The following COL4A2 variants were observed in gnomAD, a reference collection of about 807,000 sequenced individuals.
COL4A2 encodes the protein collagen type IV alpha 2 chain, also known as collagen alpha-2(IV) chain.
In COL4A2, 99 loss-of-function variants were observed where a neutral mutation model predicts 200.2. The observed-to-expected ratio is 0.49, with a 90% CI of 0.42 to 0.58. The LOEUF (loss-of-function observed/expected upper bound fraction) is 0.58. Ranked by LOEUF, COL4A2 falls within the 20% of genes least tolerant of loss-of-function variation. The pLI is 0.00. For missense variants in COL4A2, 1,950 were observed against 2,314.1 expected, an observed-to-expected ratio of 0.84 and a Z score of 3.23; for synonymous variants, 897 against 900.6, an observed-to-expected ratio of 1.00 and a Z score of 0.07.
rs1259075777 is a variant in COL4A2 at position 110,449,703 on chromosome 13, C to G, written c.1103C>G (p.Pro368Arg). Residue 368 changes from proline to arginine, a missense_variant, in exon 19 of 48, where the codon CCA becomes CGA. Pro to Arg is a moderately radical substitution (Grantham distance 103). Coordinates refer to ENST00000360467, the MANE Select transcript of COL4A2 (RefSeq NM_001846.4). ...AKGARGDPGF[P>R]GAQGEPGSQG... The stretch of plus-strand genomic sequence containing the variant: ...GGTGCCAGAGGTGACCCGGGATTCC[C>G]AGGGGCCCAAGGGGAGCCAGGAAGC... 2 of 1,549,052 alleles carry G rather than the reference C, an allele frequency of 1.3e-6. No individual in the cohort carries two copies. Among genetic ancestry groups the G allele is most frequent in the African/African-American group, 2.7e-5 (2 of 72,908 alleles).
chr13:110,355,916 A>T (rs1236757629), intron 3 of COL4A2, among the ~76,000 whole-genome samples: 2 of 151,544 alleles, frequency 1.3e-5, no homozygotes, highest in African/African-American at 2.4e-5. Context: ...GGCGGAGGGC[A>T]GCACTGGCTC....
intron 6 of COL4A2, among the ~76,000 whole-genome samples, chr13:110,425,862 C>T (rs573896425): frequency 1.1e-4 from 17 of 152,328 alleles, no homozygotes; most frequent in African/African-American, 4.1e-4. Context: ...CCAGAGAACT[C>T]ATGCGTTTCC....
Position 110,348,171 on chromosome 13 carries a change from A to G in COL4A2, c.100-9301A>G, listed in dbSNP as rs559937281. On this transcript the variant is annotated intron_variant, in intron 3 of 47. Coordinates refer to ENST00000360467, the MANE Select transcript of COL4A2 (RefSeq NM_001846.4). ...TGAGGACAGGCATCGACGCAGTCAT[A>G]ACTGCTGGCACTCACTGGCATTCCA... Among the ~76,000 whole-genome samples, 4 of 152,350 alleles carry G rather than the reference A, an allele frequency of 2.6e-5. No individual in the cohort carries two copies. In the East Asian group the frequency reaches 7.7e-4, roughly 29 times the overall value.
chr13:110,350,718 G>A (rs1876920073), intron 3 of COL4A2, among the ~76,000 whole-genome samples: 1 of 152,166 alleles, frequency 6.6e-6, no homozygotes, highest in Non-Finnish European at 1.5e-5. Flanking sequence ...TGCTAACCTG[G>A]AAGTCATGCT....
chr13:110,424,634 T>TAA lies in COL4A2; in HGVS notation c.181-96_181-95dup, dbSNP rs779952797. The TAA allele has an allele frequency of 1.9e-5, 14 of 725,796 alleles. No individual in the cohort carries two copies. The African/African-American group carries it at 2.7e-4, about 14-fold the overall frequency. 45.0% of individuals were successfully genotyped at this position (725,796 alleles called of 1,614,324 possible). ...ATGTTCCCTGTAGATTATAGCTCTTTAAAAACAAAAAAAAAAATGTAGTTT... is the reference window on the plus strand; with the variant it reads ...ATGTTCCCTGTAGATTATAGCTCTTTAAAAAAACAAAAAAAAAAATGTAGTTT... On this transcript the variant is annotated intron_variant, in intron 4 of 47. Coordinates refer to ENST00000360467, the MANE Select transcript of COL4A2 (RefSeq NM_001846.4).
intron 3 of COL4A2, among the ~76,000 whole-genome samples, chr13:110,350,476 G>A (rs1042292572): frequency 6.6e-6 from 1 of 152,180 alleles, no homozygotes; most frequent in Non-Finnish European, 1.5e-5. Context: ...CGCCCCAGAT[G>A]CAGCACAGGT....
At chr13:110,377,137 G>A (rs1379933355) in intron 4 of COL4A2, among the ~76,000 whole-genome samples, 1 of 151,950 alleles carries the variant, frequency 6.6e-6, no homozygotes. Context: ...GAAAGCTAGG[G>A]TGGGGGTGGG....
intron 4 of COL4A2, among the ~76,000 whole-genome samples, chr13:110,399,214 C>A (rs534130681): frequency 6.6e-6 from 1 of 152,280 alleles, no homozygotes; most frequent in South Asian, 2.1e-4. Flanking sequence ...CGCACAGGAG[C>A]CCAAGGTTAA....
rs536285690 is a variant in COL4A2, at chr13:110,358,625, G to T, written c.180+1073G>T. On this transcript the variant is annotated intron_variant, in intron 4 of 47. Coordinates refer to ENST00000360467, the MANE Select transcript of COL4A2 (RefSeq NM_001846.4). Reference sequence around the variant, plus strand: ...CACCAGCACCACCACAAACATGTGGGTTATGCGCTGGGCAGATCCGGTGTC... The same window carrying T: ...CACCAGCACCACCACAAACATGTGGTTTATGCGCTGGGCAGATCCGGTGTC... Among the ~76,000 whole-genome samples, 7 of 152,304 alleles carry T rather than the reference G, an allele frequency of 4.6e-5. No homozygotes were observed. In the South Asian group the frequency reaches 1.4e-3, roughly 32 times the overall value.
At chr13:110,456,282 A>T (rs2139488115) in intron 20 of COL4A2, 1 of 195,152 alleles carries the variant, frequency 5.1e-6, no homozygotes, top group Non-Finnish European at 1.1e-5. Context: ...TTAGCATAAC[A>T]GTTATCCTAA....
At chr13:110,363,902 T>C (rs564875969) in intron 4 of COL4A2, among the ~76,000 whole-genome samples, 4 of 152,324 alleles carry the variant, frequency 2.6e-5, no homozygotes, top group East Asian at 1.9e-4. Context: ...GGTTTCACCA[T>C]GTTGGCCAGG....
intron 3 of COL4A2, chr13:110,340,852 C>T (rs921532874): frequency 6.6e-6 from 1 of 152,190 alleles, no homozygotes; most frequent in African/African-American, 2.4e-5. Context: ...CGTTTTCAGC[C>T]ATGCGATTCT....
At chr13:110,443,725 G>A (rs559232457) in intron 16 of COL4A2, among the ~76,000 whole-genome samples, 3 of 152,288 alleles carry the variant, frequency 2.0e-5, no homozygotes, top group African/African-American at 4.8e-5. Flanking sequence ...GCTAGCAGGA[G>A]TACAGACCTT....
In COL4A2 at chr13:110,462,289, C is replaced by T; in HGVS notation, c.1681C>T (p.Gln561Ter). The T allele has an allele frequency of 6.2e-7, 1 of 1,614,236 alleles. No homozygotes were observed. Among genetic ancestry groups the T allele is most frequent in the Non-Finnish European group, 8.5e-7 (1 of 1,180,054 alleles). ...AAATCCCTTTCTAGGTGAGCGGGGACAGCCCGGCGTCCCAGGTGTGCCCGG... is the reference window on the plus strand; with the variant it reads ...AAATCCCTTTCTAGGTGAGCGGGGATAGCCCGGCGTCCCAGGTGTGCCCGG... ...RTITTKGERG[Q>*]PGVPGVPGMK... The change falls in exon 24 of 48, where the codon CAG (glutamine) becomes TAG (stop). Residue 561 changes from glutamine to a stop codon, truncating the protein, a stop_gained. Transcript: ENST00000360467. LOFTEE classifies it high-confidence loss of function.
intron 40 of COL4A2, among the ~76,000 whole-genome samples, chr13:110,498,961 C>G (rs1028483754): frequency 3.3e-5 from 5 of 152,184 alleles, no homozygotes; most frequent in African/African-American, 1.2e-4. Flanking sequence ...CACAGTGGGC[C>G]CATGAGCTGA....
intron 21 of COL4A2, 30 bp from the exon 22 acceptor site, chr13:110,458,741 C>G: frequency 1.2e-6 from 2 of 1,613,042 alleles, no homozygotes; most frequent in Non-Finnish European, 1.7e-6. Context: ...GAATGCGGAA[C>G]AAGGAGGCCC....
chr13:110,331,029 T>A (rs1206268526), intron 3 of COL4A2, among the ~76,000 whole-genome samples: 2 of 151,914 alleles, frequency 1.3e-5, no homozygotes, highest in Admixed American at 6.6e-5. Flanking sequence ...CAGATTCTCT[T>A]AGGATCAGTA....
intron 3 of COL4A2, among the ~76,000 whole-genome samples, chr13:110,328,807 A>G (rs1014943391): frequency 9.2e-5 from 14 of 152,212 alleles, no homozygotes; most frequent in Non-Finnish European, 8.8e-5. Flanking sequence ...CAAAGCTACC[A>G]TGGAGCCCTA....
intron 32 of COL4A2, among the ~76,000 whole-genome samples, chr13:110,482,932 A>T (rs1275011046): frequency 1.3e-5 from 2 of 152,186 alleles, no homozygotes. Flanking sequence ...TATGTCATGA[A>T]ACATATTCCA....
Sources: gnomAD v4.1 joint callset for allele counts (sites outside exome capture counted in the v4.1 genomes callset) on GRCh38, gnomAD v4.1.1 for gene constraint, MANE v1.5 for transcripts, NCBI Gene and HGNC (gene_info 2026-07-23, HGNC 2026-07-21) for gene names.